FGGY: variants seen among roughly 807,000 people sequenced by gnomAD.
FGGY encodes the protein FGGY carbohydrate kinase domain-containing protein.
In FGGY, 72 loss-of-function variants were observed where a neutral mutation model predicts 71.3. The observed-to-expected ratio is 1.01, with a 90% CI of 0.84 to 1.23. FGGY has a LOEUF of 1.23. Ranked by LOEUF, FGGY falls within the 50% of genes most tolerant of loss-of-function variation. FGGY has a pLI of 0.00. For synonymous variants in FGGY, 251 were observed against 250.3 expected (o/e 1.00, Z -0.02); for missense variants, 668 against 682.3 (o/e 0.98, Z 0.23).
At chr1:59,662,334 A>AT (rs1252849994) in intron 12 of FGGY, among the ~76,000 whole-genome samples, 136 of 150,442 alleles carry the variant, frequency 9.0e-4, no homozygotes, top group African/African-American at 3.2e-3. Context: ...AAAAAAAAAA[A>AT]AGAGAGAGAT....
At chr1:59,740,904 C>A (rs1218277603) in intron 14 of FGGY, among the ~76,000 whole-genome samples, 1 of 152,130 alleles carries the variant, frequency 6.6e-6, no homozygotes, top group Non-Finnish European at 1.5e-5. Context: ...AAGATACACA[C>A]CAGATTTCAA....
intron 14 of FGGY, among the ~76,000 whole-genome samples, chr1:59,721,708 G>A (rs115627527): frequency 1.2e-3 from 179 of 152,210 alleles, no homozygotes; most frequent in African/African-American, 4.0e-3. Flanking sequence ...AGTATGGTGC[G>A]TTCGTTACAA....
At chr1:59,541,994 A>T (rs2095446593) in intron 7 of FGGY, among the ~76,000 whole-genome samples, 1 of 152,246 alleles carries the variant, frequency 6.6e-6, no homozygotes, top group African/African-American at 2.4e-5. Context: ...TGTCCTGCGT[A>T]AATACTACAC....
At chr1:59,513,847 C>G (rs1291575125) in intron 7 of FGGY, among the ~76,000 whole-genome samples, 1 of 152,112 alleles carries the variant, frequency 6.6e-6, no homozygotes, top group Non-Finnish European at 1.5e-5. Context: ...TTAAATGGTG[C>G]CTTGTTCTAC....
At chr1:59,620,286 G>A (rs796810899) in intron 9 of FGGY, among the ~76,000 whole-genome samples, 87 of 151,968 alleles carry the variant, frequency 5.7e-4, no homozygotes, top group African/African-American at 2.0e-3. Context: ...CCATCAGTAA[G>A]TCCTAAGGGT....
At chr1:59,685,184 G>T (rs896825471) in intron 14 of FGGY, among the ~76,000 whole-genome samples, 1 of 152,112 alleles carries the variant, frequency 6.6e-6, no homozygotes, top group Non-Finnish European at 1.5e-5. Flanking sequence ...TAGGGTAGAC[G>T]CTTCTCAAGG....
At chr1:59,642,011 C>T (rs2097034444) in intron 11 of FGGY, among the ~76,000 whole-genome samples, 1 of 152,072 alleles carries the variant, frequency 6.6e-6, no homozygotes, top group Non-Finnish European at 1.5e-5. Context: ...ACCCTGTTCC[C>T]AGCCACTCTT....
chr1:59,372,544 C>G lies in FGGY; in HGVS notation c.466-6205C>G, dbSNP rs1266137470. Among the ~76,000 whole-genome samples, 10 of 152,308 alleles carry G rather than the reference C, an allele frequency of 6.6e-5. No homozygotes were observed. The East Asian group carries it at 1.9e-3, about 29-fold the overall frequency. On this transcript the variant is annotated intron_variant, in intron 4 of 15. Coordinates refer to ENST00000303721, the MANE Select transcript of FGGY (RefSeq NM_018291.5). ...AATCAATAGAAAAAGAGGGAATCCT[C>G]CCTAACTCATTTTATGAGGCCAGTA...
chr1:59,509,514 C>T (rs906669851), intron 6 of FGGY, among the ~76,000 whole-genome samples: 4 of 152,170 alleles, frequency 2.6e-5, no homozygotes, highest in African/African-American at 9.7e-5. Flanking sequence ...CATCCACTGC[C>T]CCATCTGCCT....
chr1:59,425,327 G>A (rs2066159696), intron 5 of FGGY, among the ~76,000 whole-genome samples: 1 of 152,046 alleles, frequency 6.6e-6, no homozygotes, highest in African/African-American at 2.4e-5. Context: ...TATTTTTATG[G>A]CCTTTTAAGT....
chr1:59,570,909 A>G (rs1420228441), intron 8 of FGGY, among the ~76,000 whole-genome samples: 1 of 152,132 alleles, frequency 6.6e-6, no homozygotes, highest in Non-Finnish European at 1.5e-5. Context: ...ATAATTTGGG[A>G]CACAGGTGCA....
intron 9 of FGGY, among the ~76,000 whole-genome samples, chr1:59,609,239 C>T (rs565405692): frequency 2.9e-4 from 44 of 152,220 alleles, no homozygotes; most frequent in South Asian, 2.1e-4. Flanking sequence ...AAATGGCTTA[C>T]GATAAAAGTT....
intron 11 of FGGY, among the ~76,000 whole-genome samples, chr1:59,641,677 A>G (rs546628871): frequency 6.6e-6 from 1 of 152,312 alleles, no homozygotes; most frequent in South Asian, 2.1e-4. Context: ...AAATATTTGT[A>G]AAAATGCAAA....
intron 5 of FGGY, among the ~76,000 whole-genome samples, chr1:59,411,351 G>A (rs944214956): frequency 6.6e-5 from 10 of 152,206 alleles, no homozygotes; most frequent in South Asian, 2.1e-4. Context: ...ACATGATGCC[G>A]ATTTATCGTA....
chr1:59,588,792 C>G (rs1480697997), intron 8 of FGGY, among the ~76,000 whole-genome samples: 2 of 152,132 alleles, frequency 1.3e-5, no homozygotes, highest in Non-Finnish European at 2.9e-5. Flanking sequence ...GAAGGAAGCA[C>G]TAAACATGGA....
intron 4 of FGGY, among the ~76,000 whole-genome samples, chr1:59,354,501 G>A (rs554369223): frequency 5.9e-5 from 9 of 152,296 alleles, no homozygotes; most frequent in African/African-American, 1.4e-4. Flanking sequence ...TCCAGAGTAC[G>A]GGCTTATCAC....
intron 8 of FGGY, among the ~76,000 whole-genome samples, chr1:59,584,297 A>G (rs1215276305): frequency 6.7e-6 from 1 of 149,978 alleles, no homozygotes; most frequent in Admixed American, 6.6e-5. Context: ...CGAATTCAGC[A>G]GCACATCAAA....
intron 9 of FGGY, among the ~76,000 whole-genome samples, chr1:59,618,546 G>A (rs1419546102): frequency 3.3e-5 from 5 of 152,050 alleles, no homozygotes; most frequent in Non-Finnish European, 7.4e-5. Flanking sequence ...ACTGTTGTCC[G>A]TTAACATGAC....
At chr1:59,708,830 C>T (rs2097773817) in intron 14 of FGGY, among the ~76,000 whole-genome samples, 1 of 152,078 alleles carries the variant, frequency 6.6e-6, no homozygotes, top group Non-Finnish European at 1.5e-5. Context: ...GATATGACAC[C>T]CAAATGTCAT....
Sources: gnomAD v4.1 joint callset for allele counts (sites outside exome capture counted in the v4.1 genomes callset) on GRCh38, gnomAD v4.1.1 for gene constraint, MANE v1.5 for transcripts, NCBI Gene and HGNC (gene_info 2026-07-23, HGNC 2026-07-21) for gene names.